The following KCNAB1 variants were observed in gnomAD, a reference collection of about 807,000 sequenced individuals.
KCNAB1 encodes the protein potassium voltage-gated channel subfamily A regulatory beta subunit 1.
In KCNAB1, 35 loss-of-function variants were observed where a neutral mutation model predicts 64.6. The observed-to-expected ratio is 0.54, with a 90% CI of 0.41 to 0.72. The LOEUF (loss-of-function observed/expected upper bound fraction) is 0.72. Among genes scored for constraint, KCNAB1 ranks in the 30% least tolerant of loss-of-function variants. The pLI, the probability that KCNAB1 is intolerant of heterozygous loss-of-function variation, is 0.00. For synonymous variants in KCNAB1, 177 were observed against 183.8 expected (o/e 0.96, Z 0.30); for missense variants, 401 against 512.9 (o/e 0.78, Z 2.11).
At chr3:156,301,245 C>G (rs982361261) in intron 1 of KCNAB1, among the ~76,000 whole-genome samples, 1 of 151,788 alleles carries the variant, frequency 6.6e-6, no homozygotes, top group African/African-American at 2.4e-5. Flanking sequence ...CCTGAGACCA[C>G]AACAACAACC....
intron 2 of KCNAB1, among the ~76,000 whole-genome samples, chr3:156,423,731 C>T (rs1360591133): frequency 6.6e-6 from 1 of 151,874 alleles, no homozygotes; most frequent in African/African-American, 2.4e-5. Context: ...AAAAAGAGGG[C>T]AAAGATGCTG....
intron 1 of KCNAB1, among the ~76,000 whole-genome samples, chr3:156,279,536 C>T (rs1394483188): frequency 3.9e-5 from 6 of 152,076 alleles, no homozygotes; most frequent in South Asian, 2.1e-4. Context: ...CCTGAGGAGT[C>T]GCCACACTGA....
chr3:156,538,602 C>G lies in KCNAB1; in HGVS notation c.*1855C>G, dbSNP rs1484626800. On this transcript the variant is annotated 3_prime_UTR_variant, in exon 14 of 14. Transcript: ENST00000490337. ...AATAAAAGCATTTTGTGCATTCAAT[C>G]TTACAATAGATTTTATCTGATCTTT... 1 of 152,216 alleles carries G rather than the reference C, an allele frequency of 6.6e-6. No homozygotes were observed. Among genetic ancestry groups the G allele is most frequent in the Non-Finnish European group, 1.5e-5 (1 of 68,032 alleles). 9.4% of individuals were successfully genotyped at this position (152,216 alleles called of 1,614,324 possible).
chr3:156,245,360 T>C (rs1717388837), intron 1 of KCNAB1, among the ~76,000 whole-genome samples: 1 of 152,200 alleles, frequency 6.6e-6, no homozygotes, highest in African/African-American at 2.4e-5. Context: ...ACGATAATCA[T>C]TCAGGGAAAC....
chr3:156,486,274 G>A (rs1715207800), intron 8 of KCNAB1, among the ~76,000 whole-genome samples: 1 of 152,118 alleles, frequency 6.6e-6, no homozygotes, highest in Non-Finnish European at 1.5e-5. Context: ...ACAAAGAGAA[G>A]CTTTCCCTTC....
chr3:156,276,068 G>A (rs1301997926), intron 1 of KCNAB1, among the ~76,000 whole-genome samples: 1 of 152,010 alleles, frequency 6.6e-6, no homozygotes, highest in Non-Finnish European at 1.5e-5. Context: ...AATAAGACTT[G>A]AAAGTGAAAA....
chr3:156,170,158 G>A (rs1200863352), intron 1 of KCNAB1, among the ~76,000 whole-genome samples: 1 of 151,372 alleles, frequency 6.6e-6, no homozygotes, highest in Non-Finnish European at 1.5e-5. Flanking sequence ...AGGATCAATT[G>A]AACAATTGGT....
At chr3:156,476,048 A>C (rs1714314712) in intron 8 of KCNAB1, among the ~76,000 whole-genome samples, 1 of 152,216 alleles carries the variant, frequency 6.6e-6, no homozygotes, top group African/African-American at 2.4e-5. Flanking sequence ...TTGTCAAAGC[A>C]AAGATTAGGT....
intron 1 of KCNAB1, among the ~76,000 whole-genome samples, chr3:156,201,171 T>G (rs1354314373): frequency 6.6e-6 from 1 of 152,196 alleles, no homozygotes; most frequent in East Asian, 1.9e-4. Flanking sequence ...CCCAATGAGA[T>G]GAACCAAGTA....
At chr3:156,468,998 C>T (rs1461596992) in intron 7 of KCNAB1, among the ~76,000 whole-genome samples, 5 of 152,214 alleles carry the variant, frequency 3.3e-5, no homozygotes, top group East Asian at 1.9e-4. Flanking sequence ...TACAGAACCA[C>T]GCTGAATGAA....
intron 1 of KCNAB1, among the ~76,000 whole-genome samples, chr3:156,341,241 A>G (rs1205033573): frequency 6.6e-6 from 1 of 152,230 alleles, no homozygotes; most frequent in African/African-American, 2.4e-5. Flanking sequence ...AATTCGTAGC[A>G]TCAAATGCTG....
chr3:156,483,315 A>G (rs1017657089), intron 8 of KCNAB1, among the ~76,000 whole-genome samples: 2 of 152,172 alleles, frequency 1.3e-5, no homozygotes, highest in African/African-American at 4.8e-5. Flanking sequence ...CATTCCTTGC[A>G]CAGAGGATTT....
chr3:156,481,111 C>T (rs1714763940), intron 8 of KCNAB1, among the ~76,000 whole-genome samples: 2 of 152,086 alleles, frequency 1.3e-5, no homozygotes, highest in African/African-American at 4.8e-5. Flanking sequence ...TTCTCATCTA[C>T]AATCACAGTA....
chr3:156,343,857 A>T (rs982581327), intron 1 of KCNAB1, among the ~76,000 whole-genome samples: 15 of 152,234 alleles, frequency 9.9e-5, no homozygotes, highest in African/African-American at 3.6e-4. Context: ...CTAAGCAGAA[A>T]AATGTGTATT....
chr3:156,470,839 T>G (rs1437985185), intron 7 of KCNAB1, among the ~76,000 whole-genome samples: 2 of 152,340 alleles, frequency 1.3e-5, no homozygotes, highest in South Asian at 4.1e-4. Context: ...TCTGAACAAA[T>G]GGATTTGCCA....
At chr3:156,321,277 T>C (rs2108025701) in intron 1 of KCNAB1, among the ~76,000 whole-genome samples, 1 of 152,308 alleles carries the variant, frequency 6.6e-6, no homozygotes, top group Middle Eastern at 3.4e-3. Flanking sequence ...TGGAGAAGTA[T>C]AGGGAGTGAA....
intron 1 of KCNAB1, among the ~76,000 whole-genome samples, chr3:156,231,689 G>C (rs1000337142): frequency 6.6e-6 from 1 of 151,674 alleles, no homozygotes; most frequent in African/African-American, 2.4e-5. Flanking sequence ...AATAAAACTT[G>C]GTCTTCACAA....
chr3:156,157,846 A>T (rs1383928142), intron 1 of KCNAB1, among the ~76,000 whole-genome samples: 3 of 151,894 alleles, frequency 2.0e-5, no homozygotes, highest in Non-Finnish European at 4.4e-5. Flanking sequence ...AAGGTGGATT[A>T]TTTTTTTTCC....
intron 1 of KCNAB1, among the ~76,000 whole-genome samples, chr3:156,380,377 C>G (rs1160802198): frequency 6.6e-6 from 1 of 152,170 alleles, no homozygotes; most frequent in Non-Finnish European, 1.5e-5. Flanking sequence ...TATATGCATT[C>G]CTTGGTGTAC....
Sources: allele counts gnomAD v4.1 joint callset (sites outside exome capture counted in the v4.1 genomes callset), GRCh38; gene constraint gnomAD v4.1.1; transcripts MANE v1.5; gene names NCBI Gene and HGNC (gene_info 2026-07-23, HGNC 2026-07-21).